DNAJB6: variants seen among roughly 807,000 people sequenced by gnomAD.
DNAJB6 encodes the protein dnaJ homolog subfamily B member 6.
In DNAJB6, 16 loss-of-function variants were observed where a neutral mutation model predicts 42.7. The observed-to-expected ratio is 0.37, with a 90% CI of 0.25 to 0.57. DNAJB6 has a LOEUF of 0.57. Among genes scored for constraint, DNAJB6 ranks in the 20% least tolerant of loss-of-function variants. DNAJB6 has a pLI of 0.74. For synonymous variants in DNAJB6, 170 were observed against 163.5 expected, an observed-to-expected ratio of 1.04 and a Z score of -0.30; for missense variants, 347 against 416.8, an observed-to-expected ratio of 0.83 and a Z score of 1.46.
At position 157,371,076 on chromosome 7, in the gene DNAJB6, C is replaced by G. The variant is rs185005652; in HGVS notation, c.346+3593C>G. ...TGGCAGCATTGGAGTCTCATAAGGG[C>G]ACAAACCCTATTGTGAACTGCACAC... On this transcript the variant is annotated intron_variant, in intron 5 of 9. Transcript: ENST00000262177. 2.2e-3 allele frequency among the ~76,000 whole-genome samples: 330 copies of G among 152,252 alleles called. 1 individual carries two copies. The highest frequency in any genetic ancestry group is 3.2e-3 in the Non-Finnish European group (215 of 68,012).
chr7:157,416,210 A>C lies in DNAJB6; in HGVS notation c.*112A>C. 6.7e-7 allele frequency: 1 copy of C among 1,489,392 alleles called. No individual in the cohort carries two copies. Among genetic ancestry groups the C allele is most frequent in the Non-Finnish European group, 9.1e-7 (1 of 1,099,796 alleles). The allele number at this position is 1,489,392 out of a possible 1,614,324, so 92.3% of individuals were successfully genotyped here. On this transcript the variant is annotated 3_prime_UTR_variant, in exon 10 of 10. Coordinates refer to ENST00000262177, the MANE Select transcript of DNAJB6 (RefSeq NM_058246.4). ...CGTCGGTCAGGACTGTCTCGAGGCCACACTCGCTCGGCAGGATTATGCGAT... is the reference window on the plus strand; with the variant it reads ...CGTCGGTCAGGACTGTCTCGAGGCCCCACTCGCTCGGCAGGATTATGCGAT...
intron 1 of DNAJB6, among the ~76,000 whole-genome samples, chr7:157,355,807 A>G (rs1361926993): frequency 6.6e-6 from 1 of 152,218 alleles, no homozygotes; most frequent in Non-Finnish European, 1.5e-5. Context: ...GGAGTGCTGC[A>G]TGAATACCGA....
intron 4 of DNAJB6, 67 bp from the exon 5 acceptor site, chr7:157,367,306 A>T: frequency 9.5e-7 from 1 of 1,050,274 alleles, no homozygotes; most frequent in Non-Finnish European, 1.5e-6. Context: ...ATGTTTTGTC[A>T]ACAAAGAATT....
At chr7:157,393,083 C>G (rs4716713) in intron 8 of DNAJB6, among the ~76,000 whole-genome samples, 66,383 of 151,928 alleles carry the variant, frequency 0.44, 14,793 homozygotes, top group African/African-American at 0.53. Flanking sequence ...AAGCGATTCT[C>G]CTGCCTCAGC....
At chr7:157,371,099 C>T (rs1010495206) in intron 5 of DNAJB6, among the ~76,000 whole-genome samples, 5 of 152,162 alleles carry the variant, frequency 3.3e-5, no homozygotes, top group Admixed American at 6.5e-5. Flanking sequence ...GTGAACTGCA[C>T]ACGCGAGGGA....
chr7:157,356,251 C>T (rs1316656254), intron 1 of DNAJB6, among the ~76,000 whole-genome samples: 2 of 152,222 alleles, frequency 1.3e-5, no homozygotes, highest in South Asian at 2.1e-4. Context: ...CACCTCAGAT[C>T]GTTGGCAGCA....
chr7:157,357,709 C>A (rs1332026041), intron 1 of DNAJB6, among the ~76,000 whole-genome samples: 2 of 152,256 alleles, frequency 1.3e-5, no homozygotes, highest in South Asian at 4.1e-4. Context: ...CAGCAGTGTG[C>A]GTAGTTCCTC....
chr7:157,382,572 G>A (rs569551852), intron 6 of DNAJB6, 195 bp downstream of exon 6: 9 of 408,952 alleles, frequency 2.2e-5, no homozygotes, highest in East Asian at 1.3e-4. Context: ...TAAGAATGTC[G>A]TGCTTGGAAA....
chr7:157,379,367 G>A (rs1281702281), intron 5 of DNAJB6: 2 of 152,214 alleles, frequency 1.3e-5, no homozygotes, highest in African/African-American at 4.8e-5. Flanking sequence ...TGATAAATGG[G>A]AAATTGCGGA....
At chr7:157,401,374 C>A (rs140085275) in intron 8 of DNAJB6, among the ~76,000 whole-genome samples, 3 of 152,166 alleles carry the variant, frequency 2.0e-5, no homozygotes, top group Non-Finnish European at 4.4e-5. Context: ...CGCCACCACA[C>A]CCCGCTAATT....
rs1284207483 is a variant in DNAJB6, at chr7:157,417,423, T to G, written c.*1325T>G. The G allele has an allele frequency of 6.6e-6, 1 of 152,222 alleles. No individual in the cohort carries two copies. The highest frequency in any genetic ancestry group is 1.5e-5 in the Non-Finnish European group (1 of 68,042). The allele number at this position is 152,222 out of a possible 1,614,324, so 9.4% of individuals were successfully genotyped here. On this transcript the variant is annotated 3_prime_UTR_variant, in exon 10 of 10. Transcript: ENST00000262177. ...AAATGCCACCTACATAAATAAAACA[T>G]AAGCATATTGAATACAGCTCGCCTG...
At chr7:157,414,061 G>A (rs894416005) in intron 9 of DNAJB6, 3 of 152,198 alleles carry the variant, frequency 2.0e-5, no homozygotes, top group African/African-American at 7.2e-5. Flanking sequence ...TGGTTTCCTT[G>A]TACCGGACCC....
chr7:157,351,175 C>T (rs1023249489), intron 1 of DNAJB6, among the ~76,000 whole-genome samples: 5 of 152,014 alleles, frequency 3.3e-5, no homozygotes, highest in Non-Finnish European at 7.4e-5. Flanking sequence ...CTCAGGTGAT[C>T]CGCCCCCCTC....
intron 1 of DNAJB6, among the ~76,000 whole-genome samples, chr7:157,350,577 G>A (rs1394290385): frequency 6.6e-6 from 1 of 152,186 alleles, no homozygotes; most frequent in Non-Finnish European, 1.5e-5. Context: ...TTGAAGTGTG[G>A]ATGCCTTATG....
chr7:157,375,024 C>T (rs895809247), intron 5 of DNAJB6, among the ~76,000 whole-genome samples: 1 of 152,140 alleles, frequency 6.6e-6, no homozygotes, highest in African/African-American at 2.4e-5. Context: ...AGATAGTTGC[C>T]GTATCCTTAG....
At chr7:157,392,945 C>T (rs944716897) in intron 8 of DNAJB6, among the ~76,000 whole-genome samples, 1 of 152,106 alleles carries the variant, frequency 6.6e-6, no homozygotes, top group Non-Finnish European at 1.5e-5. Flanking sequence ...TTTATCTCAT[C>T]ACTTTAGTCT....
intron 9 of DNAJB6, chr7:157,410,326 C>T (rs1461358759): frequency 3.4e-5 from 17 of 499,674 alleles, no homozygotes; most frequent in African/African-American, 8.0e-5. Context: ...TAGCTTTCAG[C>T]GTAGAGCTTG....
At chr7:157,351,658 CAACAA>C (rs1386982392) in intron 1 of DNAJB6, among the ~76,000 whole-genome samples, 6 of 34,724 alleles carry the variant, frequency 1.7e-4, no homozygotes, top group Admixed American at 3.8e-4. Context: ...ACAACAACAA[CAACAA>C]AAAAAACCAC....
chr7:157,399,509 G>GGGAT lies in DNAJB6; in HGVS notation c.692-10283_692-10280dup, dbSNP rs562165647. On this transcript the variant is annotated intron_variant, in intron 8 of 9. Transcript: ENST00000262177. ...ACAGCTGCTTGCAGCGCTCAGTGCT[G>GGGAT]GGATGGCGGCACAGGTTTGCGGCCT... Among the ~76,000 whole-genome samples the GGGAT allele has an allele frequency of 1.4e-4, 21 of 152,372 alleles. No individual in the cohort carries two copies. The East Asian group carries it at 3.3e-3, about 24-fold the overall frequency.
Sources: gnomAD v4.1 joint callset for allele counts (sites outside exome capture counted in the v4.1 genomes callset) on GRCh38, gnomAD v4.1.1 for gene constraint, MANE v1.5 for transcripts, NCBI Gene and HGNC (gene_info 2026-07-23, HGNC 2026-07-21) for gene names.